Variants in TENM3 observed in about 807,000 individuals in gnomAD.
The protein encoded by TENM3 is teneurin transmembrane protein 3, also known as teneurin-3.
In TENM3, 63 loss-of-function variants were observed where a neutral mutation model predicts 255.1. The observed-to-expected ratio is 0.25, with a 90% CI of 0.20 to 0.30. The LOEUF (loss-of-function observed/expected upper bound fraction) is 0.30. Ranked by LOEUF, TENM3 falls within the 10% of genes least tolerant of loss-of-function variation. The pLI is 1.00. For synonymous variants in TENM3, 1,306 were observed against 1,322.3 expected (o/e 0.99, Z 0.27); for missense variants, 2,929 against 3,461.1 (o/e 0.85, Z 3.86).
intron 3 of TENM3, among the ~76,000 whole-genome samples, chr4:182,430,738 C>T (rs780237343): frequency 3.4e-4 from 51 of 152,208 alleles, no homozygotes; most frequent in Non-Finnish European, 3.4e-4. Flanking sequence ...TTGGGCTGGG[C>T]GTGGTGGCTC....
intron 3 of TENM3, among the ~76,000 whole-genome samples, chr4:182,363,740 A>G (rs1384812709): frequency 1.3e-5 from 2 of 152,108 alleles, no homozygotes; most frequent in African/African-American, 4.8e-5. Context: ...GCAAACTTGG[A>G]AAGTTATGAC....
At chr4:181,855,886 G>A in the TENM3 span, among the ~76,000 whole-genome samples, 1 of 149,788 alleles carries the variant, frequency 6.7e-6, no homozygotes, top group South Asian at 2.1e-4. Flanking sequence ...AGGAGAGAAG[G>A]AGGTAGGAAG....
chr4:182,313,792 C>T (rs2726794), intron 1 of TENM3, among the ~76,000 whole-genome samples: 28,511 of 152,046 alleles, frequency 0.19, 2,888 homozygotes, highest in Middle Eastern at 0.23. Flanking sequence ...TGGTATCATT[C>T]TCAACTCTTT....
chr4:182,752,208 A>G (rs903157426), intron 20 of TENM3, among the ~76,000 whole-genome samples, 176 bp downstream of exon 20: 1 of 152,098 alleles, frequency 6.6e-6, no homozygotes, highest in African/African-American at 2.4e-5. Flanking sequence ...GTAGCATGAA[A>G]CTGCTAGCAT....
chr4:182,537,854 A>C (rs763719099), intron 3 of TENM3, among the ~76,000 whole-genome samples: 1 of 152,300 alleles, frequency 6.6e-6, no homozygotes, highest in East Asian at 1.9e-4. Context: ...GTGAATGTGC[A>C]CAGATGCAAA....
At chr4:182,730,096 A>T in intron 14 of TENM3, 104 bp from the exon 15 acceptor site, 1 of 1,394,004 alleles carries the variant, frequency 7.2e-7, no homozygotes. Flanking sequence ...GATGGATTGC[A>T]TAGCATAGTG....
At chr4:182,755,312 T>A in intron 22 of TENM3, 53 bp downstream of exon 22, 1 of 1,310,508 alleles carries the variant, frequency 7.6e-7, no homozygotes, top group Non-Finnish European at 1.0e-6. Context: ...TATAATAATA[T>A]CATCTATAAT....
intron 3 of TENM3, among the ~76,000 whole-genome samples, chr4:182,359,370 G>A (rs1386456319): frequency 6.9e-6 from 1 of 145,674 alleles, no homozygotes; most frequent in African/African-American, 2.7e-5. Context: ...TGGTTGGTAA[G>A]CTATTGATTA....
At chr4:182,108,465 A>AATG in the TENM3 span, among the ~76,000 whole-genome samples, 1 of 152,210 alleles carries the variant, frequency 6.6e-6, no homozygotes, top group African/African-American at 2.4e-5. Flanking sequence ...ACATTCTTAT[A>AATG]ATGAATCCAA....
At chr4:181,631,240 C>A in the TENM3 span, among the ~76,000 whole-genome samples, 1 of 152,106 alleles carries the variant, frequency 6.6e-6, no homozygotes, top group Non-Finnish European at 1.5e-5. Flanking sequence ...TAATCTCCAC[C>A]ATAGGCTCTC....
At chr4:182,012,012 C>T in the TENM3 span, among the ~76,000 whole-genome samples, 390 of 152,216 alleles carry the variant, frequency 2.6e-3, 1 homozygote, top group East Asian at 0.015. Flanking sequence ...GGCCCCCAAC[C>T]GACAGCCGGC....
At chr4:181,659,708 C>T in the TENM3 span, among the ~76,000 whole-genome samples, 1 of 152,182 alleles carries the variant, frequency 6.6e-6, no homozygotes, top group Non-Finnish European at 1.5e-5. Context: ...AAGTAAAGAG[C>T]TGTTTTTCAT....
chr4:181,693,710 G>A, the TENM3 span, among the ~76,000 whole-genome samples: 1 of 152,082 alleles, frequency 6.6e-6, no homozygotes, highest in Non-Finnish European at 1.5e-5. Context: ...TCTCCGTGGT[G>A]CCTAGGTCAA....
Position 182,773,582 on chromosome 4 carries a change from G to A in TENM3, c.5003G>A (p.Arg1668Gln), listed in dbSNP as rs76512261. Reference sequence around the variant, plus strand: ...ACAGTGGACATTGAGTCATCTAGCCGAGAAGAAGATGTCAGCATCACTTCA... The same window carrying A: ...ACAGTGGACATTGAGTCATCTAGCCAAGAAGAAGATGTCAGCATCACTTCA... ...AITVDIESSS[R>Q]EEDVSITSNL... is the part of the protein sequence containing the mutation. The change falls in exon 23 of 28, where the codon CGA becomes CAA. Residue 1668 changes from arginine to glutamine, a missense_variant. Arg to Gln is a conservative substitution (Grantham distance 43). Coordinates refer to ENST00000511685, the MANE Select transcript of TENM3 (RefSeq NM_001080477.4). 285 of 1,613,792 alleles carry A rather than the reference G, an allele frequency of 1.8e-4. 2 individuals carry two copies. The East Asian group carries it at 5.6e-3, about 32-fold the overall frequency.
intron 3 of TENM3, among the ~76,000 whole-genome samples, chr4:182,497,585 A>T (rs115260249): frequency 1.3e-5 from 2 of 152,234 alleles, no homozygotes; most frequent in South Asian, 4.1e-4. Context: ...TTCCTCATCA[A>T]TTCAAACAGG....
At chr4:181,766,182 C>A in the TENM3 span, among the ~76,000 whole-genome samples, 1 of 152,134 alleles carries the variant, frequency 6.6e-6, no homozygotes, top group Admixed American at 6.5e-5. Context: ...AAGTACTGAG[C>A]CACTGGAGGA....
chr4:182,219,993 G>T (rs554716664), intron 1 of TENM3, among the ~76,000 whole-genome samples: 1 of 152,242 alleles, frequency 6.6e-6, no homozygotes, highest in South Asian at 2.1e-4. Context: ...CAGGTCAACC[G>T]TAAGTCTGGC....
At chr4:182,357,257 G>A (rs529458046) in intron 3 of TENM3, among the ~76,000 whole-genome samples, 4 of 151,518 alleles carry the variant, frequency 2.6e-5, no homozygotes, top group African/African-American at 9.7e-5. Context: ...TGGGTCAAAT[G>A]GTATTTCTAG....
chr4:182,432,849 G>GGGGTGTGTGTGTGTGTGTGTGTGTGT (rs747628733), intron 3 of TENM3, among the ~76,000 whole-genome samples: 14 of 143,080 alleles, frequency 9.8e-5, no homozygotes, highest in African/African-American at 3.6e-4. Flanking sequence ...AATGGATTTG[G>GGGGTGTGTGTGTGTGTGTGTGTGTGT]GTGTGTGTGT....
Sources: gnomAD v4.1 joint callset for allele counts (sites outside exome capture counted in the v4.1 genomes callset) on GRCh38, gnomAD v4.1.1 for gene constraint, MANE v1.5 for transcripts, NCBI Gene and HGNC (gene_info 2026-07-23, HGNC 2026-07-21) for gene names.